Variants in HTR4 observed in about 807,000 individuals in gnomAD.
HTR4 encodes 5-hydroxytryptamine receptor 4, also known as 5-hydroxytryptamine (serotonin) receptor 4, G protein-coupled.
Under a neutral mutation model 36.8 loss-of-function variants are expected in HTR4, and 16 were observed. That is an observed-to-expected ratio of 0.43 (90% CI 0.29 to 0.66). HTR4 has a LOEUF of 0.66. Ranked by LOEUF, HTR4 falls within the 30% of genes least tolerant of loss-of-function variation. The pLI is 0.13. For missense variants in HTR4, 438 were observed against 490.9 expected, an observed-to-expected ratio of 0.89 and a Z score of 1.02; for synonymous variants, 189 against 185.1, an observed-to-expected ratio of 1.02 and a Z score of -0.17.
At chr5:148,473,904 C>A (rs914325987), downstream of HTR4, among the ~76,000 whole-genome samples, 1 of 151,586 alleles carries the variant, frequency 6.6e-6, no homozygotes, top group African/African-American at 2.4e-5. Context: ...CAAAGAAATG[C>A]CAGGAAATTA....
chr5:148,558,812 G>C (rs1305383875), intron 2 of HTR4, among the ~76,000 whole-genome samples: 1 of 152,014 alleles, frequency 6.6e-6, no homozygotes, highest in African/African-American at 2.4e-5. Context: ...CCTTGGAAAA[G>C]AAAAAAGTCA....
chr5:148,545,130 C>T (rs1388504912), intron 4 of HTR4, among the ~76,000 whole-genome samples: 1 of 152,196 alleles, frequency 6.6e-6, no homozygotes, highest in African/African-American at 2.4e-5. Flanking sequence ...ATGGACCCTC[C>T]AGCACTATGA....
At chr5:148,501,588 A>G (rs947280722) in intron 6 of HTR4, among the ~76,000 whole-genome samples, 2 of 152,238 alleles carry the variant, frequency 1.3e-5, no homozygotes, top group African/African-American at 4.8e-5. Flanking sequence ...TTCCTATTAC[A>G]TATCAGACAA....
chr5:148,525,044 C>G (rs547010186), intron 4 of HTR4, among the ~76,000 whole-genome samples: 1 of 152,272 alleles, frequency 6.6e-6, no homozygotes, highest in East Asian at 1.9e-4. Context: ...GTGTCCTGAT[C>G]TGGGCCAGAG....
At chr5:148,466,739 C>A (rs1351310692) in intron 5 of HTR4, among the ~76,000 whole-genome samples, 1 of 152,140 alleles carries the variant, frequency 6.6e-6, no homozygotes, top group Non-Finnish European at 1.5e-5. Context: ...ATAAATAATT[C>A]CTGGTATAAC....
intron 2 of HTR4, among the ~76,000 whole-genome samples, chr5:148,615,707 A>ATAAAATAAAAT (rs773040493): frequency 6.8e-4 from 80 of 117,292 alleles, no homozygotes; most frequent in South Asian, 5.9e-3. Flanking sequence ...AAAGAAAGAA[A>ATAAAATAAAAT]GAAATAAAAT....
intron 6 of HTR4, among the ~76,000 whole-genome samples, chr5:148,507,498 A>C (rs1757281337): frequency 6.6e-6 from 1 of 151,910 alleles, no homozygotes; most frequent in Non-Finnish European, 1.5e-5. Context: ...CGTTGTGGAC[A>C]TGTACCCTAG....
At position 148,550,045 on chromosome 5, in the gene HTR4, T is replaced by C. The variant is rs1013758832; in HGVS notation, c.152+92A>G. On this transcript the variant is annotated intron_variant, in intron 3 of 6. Transcript: ENST00000377888. ...TTCCCATGAATGTTTTCTTTCTTAA[T>C]TACAAATTCTAATAGAAATGTTCAC... The C allele has an allele frequency of 1.1e-5, 14 of 1,317,594 alleles. No homozygotes were observed. In the Middle Eastern group the frequency reaches 1.1e-3, roughly 107 times the overall value. The allele number at this position is 1,317,594 out of a possible 1,614,324, so 81.6% of individuals were successfully genotyped here.
At chr5:148,527,030 G>T (rs1561597876) in intron 4 of HTR4, among the ~76,000 whole-genome samples, 1 of 152,042 alleles carries the variant, frequency 6.6e-6, no homozygotes, top group Admixed American at 6.6e-5. Flanking sequence ...TAATAGATTT[G>T]GAATGCTCTC....
chr5:148,589,966 C>G (rs1761495852), intron 2 of HTR4, among the ~76,000 whole-genome samples: 1 of 152,070 alleles, frequency 6.6e-6, no homozygotes, highest in Non-Finnish European at 1.5e-5. Flanking sequence ...TCCTGTCTAA[C>G]AAACTTTGTA....
Position 148,529,921 on chromosome 5 carries a change from G to A in HTR4, c.354-6575C>T, listed in dbSNP as rs538832683. On this transcript the variant is annotated intron_variant, in intron 4 of 6. Transcript: ENST00000377888. ...CTTGTTATGATTTAGCAAAGAGATT[G>A]GTGGCATTTTACCCCTGCCTTAGAG... 4.6e-5 allele frequency among the ~76,000 whole-genome samples: 7 copies of A among 152,286 alleles called. No homozygotes were observed. In the East Asian group the frequency reaches 1.4e-3, roughly 29 times the overall value.
In HTR4 at chr5:148,483,283, C is replaced by T; in HGVS notation, c.1087G>A (p.Glu363Lys). Residue 363 changes from glutamate (E) to lysine (K), a missense_variant, in exon 7 of 7, where the codon GAG becomes AAG. By Grantham distance (56) the Glu-to-Lys change is moderately conservative (BLOSUM62 1). Coordinates refer to ENST00000377888, the MANE Select transcript of HTR4 (RefSeq NM_000870.7). ...TGACTCTCCCACTGGCCACCACACT[C>T]CACTGCATCCCTAGAGAGAGGAGAA... ...GSTHVLRDAV[E>K]CGGQWESQCH... 2 of 1,613,208 alleles carry T rather than the reference C, an allele frequency of 1.2e-6. No individual in the cohort carries two copies. The highest frequency in any genetic ancestry group is 2.2e-5 in the East Asian group (1 of 44,784).
At chr5:148,624,549 A>G (rs1290903585) in intron 2 of HTR4, among the ~76,000 whole-genome samples, 3 of 152,208 alleles carry the variant, frequency 2.0e-5, no homozygotes, top group African/African-American at 7.2e-5. Flanking sequence ...GGGATACAAA[A>G]TAAAAGGCAT....
In HTR4 at chr5:148,482,009, G is replaced by A. The variant is rs1235152053; in HGVS notation, c.*1194C>T. ...CTTAGAAACAGAAAGAAAACTTAAA[G>A]GTCCTCTAGTCCAAGCTTGAGTGCA... is the stretch of plus-strand genomic sequence containing the variant. On this transcript the variant is annotated 3_prime_UTR_variant, in exon 7 of 7. Coordinates refer to ENST00000377888, the MANE Select transcript of HTR4 (RefSeq NM_000870.7). 2.0e-6 allele frequency: 2 copies of A among 999,410 alleles called. No individual in the cohort carries two copies. Among genetic ancestry groups the A allele is most frequent in the East Asian group, 1.1e-4 (1 of 9,516 alleles). 61.9% of individuals were successfully genotyped at this position (999,410 alleles called of 1,614,324 possible). A position where few individuals can be genotyped will look rare whatever the true frequency, so the allele number is the denominator to read the frequency against.
chr5:148,628,261 G>T (rs549352001), intron 2 of HTR4, among the ~76,000 whole-genome samples: 52 of 152,322 alleles, frequency 3.4e-4, no homozygotes, highest in East Asian at 1.7e-3. Context: ...AAAAATTTGG[G>T]TGAAAATACT....
At chr5:148,575,761 T>G (rs1380428680) in intron 2 of HTR4, among the ~76,000 whole-genome samples, 2 of 152,000 alleles carry the variant, frequency 1.3e-5, no homozygotes, top group African/African-American at 4.8e-5. Flanking sequence ...CATATCAATA[T>G]TGATACATTT....
At chr5:148,587,715 T>C (rs945005227) in intron 2 of HTR4, among the ~76,000 whole-genome samples, 3 of 152,192 alleles carry the variant, frequency 2.0e-5, no homozygotes, top group Non-Finnish European at 4.4e-5. Context: ...GGATCCAAAC[T>C]GTGGGAGAGA....
intron 5 of HTR4, among the ~76,000 whole-genome samples, chr5:148,513,728 T>C (rs1435795232): frequency 6.6e-6 from 1 of 152,220 alleles, no homozygotes; most frequent in East Asian, 1.9e-4. Context: ...CTTTACAATG[T>C]TAAGTCTTTG....
intron 2 of HTR4, among the ~76,000 whole-genome samples, chr5:148,622,886 A>C (rs1752965274): frequency 6.6e-6 from 1 of 152,250 alleles, no homozygotes; most frequent in African/African-American, 2.4e-5. Flanking sequence ...ATAGTTGGTG[A>C]ATATTTGTCA....
Sources: allele counts gnomAD v4.1 joint callset (sites outside exome capture counted in the v4.1 genomes callset), GRCh38; gene constraint gnomAD v4.1.1; transcripts MANE v1.5; gene names NCBI Gene and HGNC (gene_info 2026-07-23, HGNC 2026-07-21).